The following NCOR1 variants were observed in gnomAD, a reference collection of about 807,000 sequenced individuals.
NCOR1 encodes the protein protein phosphatase 1, regulatory subunit 109.
In NCOR1, 63 loss-of-function variants were observed where a neutral mutation model predicts 288.1. The observed-to-expected ratio is 0.22, with a 90% confidence interval of 0.18 to 0.27. The LOEUF is 0.27. Among genes scored for constraint, NCOR1 ranks in the 10% least tolerant of loss-of-function variants. The pLI is 1.00. For missense variants in NCOR1, 2,397 were observed against 3,019.2 expected, an observed-to-expected ratio of 0.79 and a Z score of 4.83; for synonymous variants, 1,007 against 1,065.9, an observed-to-expected ratio of 0.94 and a Z score of 1.08.
intron 16 of NCOR1, among the ~76,000 whole-genome samples, 183 bp from the exon 17 acceptor site, chr17:16,119,668 C>G (rs917137111): frequency 6.6e-6 from 1 of 152,152 alleles, no homozygotes; most frequent in African/African-American, 2.4e-5. Flanking sequence ...CAAGTCAACA[C>G]TTCAATATTA....
intron 20 of NCOR1, 29 bp from the exon 21 acceptor site, chr17:16,098,525 A>G (rs751688825): frequency 6.3e-7 from 1 of 1,587,754 alleles, no homozygotes; most frequent in East Asian, 2.3e-5. Context: ...AAAAAGATAA[A>G]TGAATACATT....
At chr17:16,036,048 A>G (rs562658065) in intron 44 of NCOR1, among the ~76,000 whole-genome samples, 12 of 152,220 alleles carry the variant, frequency 7.9e-5, no homozygotes, top group Non-Finnish European at 1.6e-4. Flanking sequence ...CTTTGCTCAG[A>G]TCCGTCAGAG....
chr17:16,211,181 T>C (rs1473046268), intron 1 of NCOR1, among the ~76,000 whole-genome samples: 2 of 152,154 alleles, frequency 1.3e-5, no homozygotes, highest in Non-Finnish European at 2.9e-5. Flanking sequence ...TCTCCGACCT[T>C]CAGTGTTATC....
chr17:16,107,147 G>A (rs1322521203), intron 19 of NCOR1, among the ~76,000 whole-genome samples: 1 of 151,532 alleles, frequency 6.6e-6, no homozygotes, highest in Non-Finnish European at 1.5e-5. Flanking sequence ...CGCCCTCCTG[G>A]GCCTCCCCAA....
chr17:16,127,558 T>C lies in NCOR1; in HGVS notation c.1510-1352A>G, dbSNP rs191431817. Among the ~76,000 whole-genome samples the C allele has an allele frequency of 4.4e-4, 61 of 138,872 alleles. 6 individuals carry two copies. The highest frequency in any genetic ancestry group is 3.9e-3 in the Middle Eastern group (1 of 258). 91.1% of individuals were successfully genotyped at this position (138,872 alleles called of 152,430 possible). ...ATCTGCATGTATATATACACATGTG[T>C]ATATATGTATGTATATATACATATG... On this transcript the variant is annotated intron_variant, in intron 14 of 45. Transcript: ENST00000268712.
intron 44 of NCOR1, chr17:16,039,196 A>G: frequency 2.0e-6 from 1 of 512,774 alleles, no homozygotes; most frequent in Non-Finnish European, 3.5e-6. Flanking sequence ...CAAATAAAAA[A>G]TGGACATCCC....
At chr17:16,058,231 T>C in intron 38 of NCOR1, 167 bp from the exon 39 acceptor site, 1 of 909,122 alleles carries the variant, frequency 1.1e-6, no homozygotes, top group South Asian at 2.1e-5. Context: ...ACTGAAGAAG[T>C]CTGAGGACTA....
intron 40 of NCOR1, among the ~76,000 whole-genome samples, chr17:16,055,779 T>C (rs760551159): frequency 3.3e-5 from 5 of 152,238 alleles, no homozygotes; most frequent in Non-Finnish European, 5.9e-5. Context: ...CAATGCTATA[T>C]AGTTTTCCAT....
chr17:16,146,871 A>C (rs1288857819), intron 9 of NCOR1, among the ~76,000 whole-genome samples: 2 of 152,166 alleles, frequency 1.3e-5, no homozygotes, highest in East Asian at 1.9e-4. Flanking sequence ...TTGTTGTCCC[A>C]AAAAAATGGA....
At chr17:16,172,323 TCCAGCCTGGG>T (rs2083275786) in intron 3 of NCOR1, among the ~76,000 whole-genome samples, 2 of 151,718 alleles carry the variant, frequency 1.3e-5, no homozygotes, top group South Asian at 4.2e-4. Context: ...GCCACTGCAC[TCCAGCCTGGG>T]CAACAATGTG....
At chr17:16,038,824 G>A (rs1336520383) in intron 44 of NCOR1, among the ~76,000 whole-genome samples, 4 of 152,166 alleles carry the variant, frequency 2.6e-5, no homozygotes, top group Non-Finnish European at 4.4e-5. Context: ...AGGCTGGAGT[G>A]CAGTGGTGTG....
intron 38 of NCOR1, 82 bp from the exon 39 acceptor site, chr17:16,058,146 G>T (rs1370788245): frequency 5.5e-6 from 8 of 1,457,982 alleles, no homozygotes; most frequent in African/African-American, 2.8e-5. Context: ...TAATTCAGAA[G>T]AACACCTGAA....
chr17:16,196,004 A>T (rs2089700991), intron 1 of NCOR1, among the ~76,000 whole-genome samples: 1 of 151,398 alleles, frequency 6.6e-6, no homozygotes, highest in Admixed American at 6.6e-5. Context: ...CCATGACAAA[A>T]ATTTTATATA....
At chr17:16,186,796 G>T in intron 2 of NCOR1, 109 bp from the exon 3 acceptor site, 1 of 900,048 alleles carries the variant, frequency 1.1e-6, no homozygotes, top group South Asian at 1.8e-5. Flanking sequence ...GAAAGAAAGA[G>T]CAATGACTAT....
chr17:16,185,008 C>CAAAAAAAA (rs34725978), intron 3 of NCOR1, among the ~76,000 whole-genome samples: 67 of 97,338 alleles, frequency 6.9e-4, no homozygotes, highest in Non-Finnish European at 3.5e-4. Flanking sequence ...GAATCTTAAA[C>CAAAAAAAA]AAAAAAAAAA....
At position 16,132,984 on chromosome 17, in the gene NCOR1, T is replaced by C. The variant is rs142533854; in HGVS notation, c.1509+4327A>G. On this transcript the variant is annotated intron_variant, in intron 14 of 45. Transcript: ENST00000268712. ...TCTCTTTCTCTCTTCTTTCTTTTTTTTCCAGACGGGGTCTTGCTCTGTCAC... is the reference window on the plus strand; with the variant it reads ...TCTCTTTCTCTCTTCTTTCTTTTTTCTCCAGACGGGGTCTTGCTCTGTCAC... 4.9e-3 allele frequency among the ~76,000 whole-genome samples: 744 copies of C among 152,000 alleles called. 8 individuals carry two copies. Among genetic ancestry groups the C allele is most frequent in the African/African-American group, 0.017 (698 of 41,452 alleles).
chr17:16,092,581 G>A (rs2065349679), intron 21 of NCOR1, among the ~76,000 whole-genome samples: 1 of 138,428 alleles, frequency 7.2e-6, no homozygotes, highest in Non-Finnish European at 1.5e-5. Flanking sequence ...CTAATTTATG[G>A]CAGCCAAGTC....
intron 5 of NCOR1, among the ~76,000 whole-genome samples, chr17:16,161,321 C>T (rs1306204841): frequency 1.3e-5 from 2 of 152,026 alleles, no homozygotes; most frequent in African/African-American, 2.4e-5. Context: ...TGGAGTCTCA[C>T]TCTTTTTGCC....
In NCOR1 at chr17:16,086,350, T is replaced by C. The variant is rs770500723; in HGVS notation, c.3109A>G (p.Ile1037Val). 1 of 1,614,018 alleles carries C rather than the reference T, an allele frequency of 6.2e-7. No individual in the cohort carries two copies. The change falls in exon 23 of 46, where the codon ATC (isoleucine) becomes GTC (valine). Residue 1037 changes from isoleucine (I) to valine (V), a missense_variant. By Grantham distance (29) the Ile-to-Val change is conservative. Coordinates refer to ENST00000268712, the MANE Select transcript of NCOR1 (RefSeq NM_006311.4). ...GCCACTGTGGTTTTGGATGACGGGA[T>C]GAGAGGGGGCGGTGGCCTGGTTGGT... Reference protein sequence around the residue: ...TRPTRPPPPLIPSSKTTVASE... With the variant: ...TRPTRPPPPLVPSSKTTVASE...
Sources: allele counts gnomAD v4.1 joint callset (sites outside exome capture counted in the v4.1 genomes callset), GRCh38; gene constraint gnomAD v4.1.1; transcripts MANE v1.5; gene names NCBI Gene and HGNC (gene_info 2026-07-23, HGNC 2026-07-21).